Variants in CCDC66 observed in about 807,000 individuals in gnomAD.
The protein encoded by CCDC66 is coiled-coil domain-containing protein 66.
In CCDC66, 133 loss-of-function variants were observed where a neutral mutation model predicts 128.3. The ratio of observed to expected loss-of-function variants is 1.04; its 90% CI spans 0.90 to 1.20. The LOEUF is 1.20. Ranked by LOEUF, CCDC66 falls within the 50% of genes most tolerant of loss-of-function variation. CCDC66 has a pLI of 0.00. For synonymous variants in CCDC66, 387 were observed against 357.0 expected, an observed-to-expected ratio of 1.08 and a Z score of -0.95; for missense variants, 1,126 against 1,075.5, an observed-to-expected ratio of 1.05 and a Z score of -0.66.
In CCDC66 at chr3:56,593,575, A is replaced by G. The variant is rs553667522; in HGVS notation, c.1153A>G (p.Thr385Ala). ...GSQSQLFSQS[T>A]HKQPEYFCVS... ...TCAATCTCAGCTGTTCTCTCAGTCA[A>G]CACACAAACAACCTGAGTACTTCTG... The change falls in exon 9 of 18, where the codon ACA becomes GCA. Residue 385 changes from threonine (T) to alanine (A), a missense_variant. By Grantham distance (58) the Thr-to-Ala change is moderately conservative (BLOSUM62 0). Coordinates refer to ENST00000394672, the MANE Select transcript of CCDC66 (RefSeq NM_001141947.3). The G allele has an allele frequency of 6.6e-5, 107 of 1,614,190 alleles. 3 individuals carry two copies. In the South Asian group the frequency reaches 1.1e-3, roughly 17 times the overall value.
chr3:56,608,677 C>T (rs924931119), intron 10 of CCDC66, among the ~76,000 whole-genome samples: 2 of 152,108 alleles, frequency 1.3e-5, no homozygotes, highest in Non-Finnish European at 2.9e-5. Flanking sequence ...TTCTCCATTT[C>T]CTTGAGGTGT....
chr3:56,560,921 T>G (rs1046441987), intron 3 of CCDC66: 2 of 456,744 alleles, frequency 4.4e-6, no homozygotes, highest in African/African-American at 4.0e-5. Context: ...TACCACTTTA[T>G]CCTTCAACTC....
intron 1 of CCDC66, among the ~76,000 whole-genome samples, chr3:56,557,515 C>G (rs1013855514): frequency 6.6e-6 from 1 of 152,126 alleles, no homozygotes; most frequent in African/African-American, 2.4e-5. Flanking sequence ...TTATTTACCT[C>G]AGGATGAGGA....
intron 7 of CCDC66, among the ~76,000 whole-genome samples, chr3:56,584,840 A>G (rs1049505513): frequency 2.6e-5 from 4 of 151,978 alleles, no homozygotes; most frequent in Admixed American, 6.6e-5. Context: ...CTGCAATCCC[A>G]GCACCTCGGG....
intron 7 of CCDC66, among the ~76,000 whole-genome samples, chr3:56,581,781 A>G (rs968075016): frequency 2.0e-5 from 3 of 151,764 alleles, no homozygotes; most frequent in African/African-American, 7.2e-5. Flanking sequence ...TGGAAGCTTC[A>G]TCTCAGAGGG....
chr3:56,582,816 C>T (rs1203146016), intron 7 of CCDC66, among the ~76,000 whole-genome samples: 5 of 148,586 alleles, frequency 3.4e-5, no homozygotes, highest in Non-Finnish European at 7.4e-5. Context: ...TTGAATTCTA[C>T]ATATCTTTCC....
chr3:56,602,287 T>G (rs1157371912), intron 10 of CCDC66, among the ~76,000 whole-genome samples: 1 of 152,122 alleles, frequency 6.6e-6, no homozygotes, highest in Non-Finnish European at 1.5e-5. Context: ...GATTTCCATA[T>G]GATGAACCAG....
chr3:56,576,571 G>A (rs1295258972), intron 7 of CCDC66, among the ~76,000 whole-genome samples: 28 of 58,656 alleles, frequency 4.8e-4, no homozygotes, highest in African/African-American at 1.8e-3. Context: ...CCCACCCCAC[G>A]ACAAGCCCCG....
intron 10 of CCDC66, among the ~76,000 whole-genome samples, chr3:56,607,785 T>G (rs992131743): frequency 3.3e-5 from 5 of 152,190 alleles, no homozygotes; most frequent in African/African-American, 4.8e-5. Context: ...TTGTCATAGA[T>G]TGCTTTTATT....
chr3:56,586,616 A>T (rs2069806651), intron 7 of CCDC66, among the ~76,000 whole-genome samples: 1 of 151,886 alleles, frequency 6.6e-6, no homozygotes, highest in African/African-American at 2.4e-5. Flanking sequence ...TACAGTAAAC[A>T]TCAAGATAAA....
At chr3:56,585,596 A>G (rs2069546870) in intron 7 of CCDC66, among the ~76,000 whole-genome samples, 1 of 151,864 alleles carries the variant, frequency 6.6e-6, no homozygotes, top group Non-Finnish European at 1.5e-5. Flanking sequence ...TAAGTTTGCA[A>G]ATATCAAGAA....
intron 9 of CCDC66, 53 bp downstream of exon 9, chr3:56,593,794 G>A (rs193076312): frequency 1.3e-6 from 2 of 1,596,840 alleles, no homozygotes; most frequent in East Asian, 2.2e-5. Context: ...GTGTGCTTTA[G>A]TAAGACTGTT....
intron 7 of CCDC66, among the ~76,000 whole-genome samples, chr3:56,577,318 A>T (rs1055331114): frequency 6.6e-6 from 1 of 151,854 alleles, no homozygotes; most frequent in African/African-American, 2.4e-5. Context: ...GATTCTGGAT[A>T]TTAGCCCTTT....
intron 10 of CCDC66, among the ~76,000 whole-genome samples, chr3:56,600,515 C>T (rs773251621): frequency 6.6e-6 from 1 of 151,912 alleles, no homozygotes; most frequent in East Asian, 1.9e-4. Flanking sequence ...ATTGCTGGGT[C>T]GAATGGTAGT....
intron 7 of CCDC66, among the ~76,000 whole-genome samples, chr3:56,579,276 C>A (rs1427236260): frequency 1.3e-5 from 2 of 151,312 alleles, no homozygotes; most frequent in Non-Finnish European, 2.9e-5. Context: ...TTTTTTATTG[C>A]ATCTATTTGA....
chr3:56,601,313 T>C (rs763155293), intron 10 of CCDC66, among the ~76,000 whole-genome samples: 13 of 152,102 alleles, frequency 8.5e-5, no homozygotes, highest in Non-Finnish European at 1.6e-4. Context: ...GAGGCCTCTC[T>C]TCTGTTCTAT....
At chr3:56,617,853 T>G (rs1450217326) in intron 14 of CCDC66, 2 of 574,574 alleles carry the variant, frequency 3.5e-6, no homozygotes, top group Admixed American at 3.5e-5. Context: ...AGAAACAATA[T>G]GGCCCACAAA....
chr3:56,609,538 C>A (rs547591154), intron 10 of CCDC66, among the ~76,000 whole-genome samples: 1 of 152,318 alleles, frequency 6.6e-6, no homozygotes, highest in South Asian at 2.1e-4. Context: ...AGTTCTGTAT[C>A]TTTTAAGTGG....
chr3:56,614,523 G>A (rs1367964264), intron 11 of CCDC66, among the ~76,000 whole-genome samples: 2 of 152,202 alleles, frequency 1.3e-5, no homozygotes, highest in Admixed American at 1.3e-4. Flanking sequence ...TAGATACCTA[G>A]TTGGCTAGGA....
Sources: gnomAD v4.1 joint callset for allele counts (sites outside exome capture counted in the v4.1 genomes callset) on GRCh38, gnomAD v4.1.1 for gene constraint, MANE v1.5 for transcripts, NCBI Gene and HGNC (gene_info 2026-07-23, HGNC 2026-07-21) for gene names.